Variants in LRP1B observed in about 807,000 individuals in gnomAD.
The protein encoded by LRP1B is LDL receptor related protein 1B.
In LRP1B, 217 loss-of-function variants were observed where a neutral mutation model predicts 556.6. That is an observed-to-expected ratio of 0.39 (90% CI 0.35 to 0.44). LRP1B has a LOEUF of 0.44. Among genes scored for constraint, LRP1B ranks in the 20% least tolerant of loss-of-function variants. The probability of loss-of-function intolerance (pLI) is 1.00; values close to 1 mark genes in which losing one functional copy is unlikely to be tolerated. For missense variants in LRP1B, 5,053 were observed against 5,620.8 expected, an observed-to-expected ratio of 0.90 and a Z score of 3.23; for synonymous variants, 2,047 against 1,865.8, an observed-to-expected ratio of 1.10 and a Z score of -2.50.
chr2:141,777,117 G>A (rs16847149), intron 2 of LRP1B, among the ~76,000 whole-genome samples: 5,710 of 152,176 alleles, frequency 0.038, 330 homozygotes, highest in African/African-American at 0.13. Flanking sequence ...AAAAGACTTT[G>A]GAGTAGCAGA....
intron 3 of LRP1B, among the ~76,000 whole-genome samples, chr2:141,391,839 T>C (rs568166637): frequency 2.0e-5 from 3 of 152,312 alleles, no homozygotes; most frequent in East Asian, 3.9e-4. Context: ...AAAAAACCTT[T>C]GTAAATTGTC....
chr2:141,475,547 C>G (rs1682667081), intron 3 of LRP1B, among the ~76,000 whole-genome samples: 1 of 152,018 alleles, frequency 6.6e-6, no homozygotes, highest in African/African-American at 2.4e-5. Context: ...CCTGGAAACC[C>G]ACGGCCCTAA....
At position 140,270,239 on chromosome 2, in the gene LRP1B, C is replaced by T. The variant is rs957912641; in HGVS notation, c.13247+3G>A. On this transcript the variant is annotated splice_donor_region_variant and intron_variant, in intron 86 of 90. Coordinates refer to ENST00000389484, the MANE Select transcript of LRP1B (RefSeq NM_018557.3). ...GATGCCCATGACTTGATTAAATACTCACAGACACACAGGTACATTTGTCTC... is the reference window on the plus strand; with the variant it reads ...GATGCCCATGACTTGATTAAATACTTACAGACACACAGGTACATTTGTCTC... 1 of 1,608,136 alleles carries T rather than the reference C, an allele frequency of 6.2e-7. No homozygotes were observed. The highest frequency in any genetic ancestry group is 8.5e-7 in the Non-Finnish European group (1 of 1,175,224).
At chr2:140,668,407 T>G (rs1262695593) in intron 41 of LRP1B, among the ~76,000 whole-genome samples, 2 of 151,482 alleles carry the variant, frequency 1.3e-5, no homozygotes, top group African/African-American at 4.9e-5. Flanking sequence ...TCATTTTTTT[T>G]GAAATGGTAT....
At chr2:141,357,059 ATTTAT>A (rs1043612093) in intron 3 of LRP1B, among the ~76,000 whole-genome samples, 1 of 150,782 alleles carries the variant, frequency 6.6e-6, no homozygotes, top group African/African-American at 2.4e-5. Context: ...ATTTTATTTT[ATTTAT>A]TTTATTTTTG....
intron 41 of LRP1B, among the ~76,000 whole-genome samples, chr2:140,650,223 G>T (rs369128915): frequency 2.0e-5 from 3 of 151,532 alleles, no homozygotes; most frequent in East Asian, 3.8e-4. Flanking sequence ...ATAAAAAAAA[G>T]GCAGAGGTTA....
intron 1 of LRP1B, among the ~76,000 whole-genome samples, chr2:141,856,011 T>G (rs1335817478): frequency 1.3e-5 from 2 of 152,180 alleles, no homozygotes; most frequent in Non-Finnish European, 2.9e-5. Context: ...TTGTCTTAAC[T>G]GAGTGTGCTA....
chr2:140,642,268 C>A (rs1564934), intron 41 of LRP1B, among the ~76,000 whole-genome samples: 85,768 of 151,988 alleles, frequency 0.56, 25,463 homozygotes, highest in Non-Finnish European at 0.67. Context: ...TAGCCTGTGC[C>A]GAGGAGCTAC....
intron 1 of LRP1B, among the ~76,000 whole-genome samples, chr2:141,945,539 GTA>G (rs10548880): frequency 0.29 from 42,285 of 148,196 alleles, 5,987 homozygotes; most frequent in Middle Eastern, 0.39. Flanking sequence ...ATGTATATAT[GTA>G]TATATATATA....
chr2:142,019,245 C>T (rs987397918), intron 1 of LRP1B, among the ~76,000 whole-genome samples: 20 of 152,024 alleles, frequency 1.3e-4, no homozygotes, highest in African/African-American at 4.8e-4. Context: ...ATCAGTTAGT[C>T]TAAATTATTG....
intron 1 of LRP1B, among the ~76,000 whole-genome samples, chr2:141,890,346 A>ATG (rs1699248860): frequency 7.4e-6 from 1 of 134,688 alleles, no homozygotes; most frequent in African/African-American, 2.7e-5. Context: ...ATATATATAT[A>ATG]TATATGTATT....
At chr2:140,807,960 C>A (rs748126536) in intron 32 of LRP1B, among the ~76,000 whole-genome samples, 1 of 152,106 alleles carries the variant, frequency 6.6e-6, no homozygotes, top group East Asian at 1.9e-4. Flanking sequence ...GGTGTAATGG[C>A]GCATGCCTGT....
At chr2:141,940,164 A>G (rs1700754524) in intron 1 of LRP1B, among the ~76,000 whole-genome samples, 1 of 152,168 alleles carries the variant, frequency 6.6e-6, no homozygotes, top group African/African-American at 2.4e-5. Context: ...ACAAAAATCT[A>G]CATGAACAAA....
intron 31 of LRP1B, among the ~76,000 whole-genome samples, chr2:140,833,513 C>T (rs184513610): frequency 2.2e-4 from 33 of 152,278 alleles, no homozygotes; most frequent in Admixed American, 7.2e-4. Flanking sequence ...CTTAATATTA[C>T]AAGTGTTTTG....
At position 140,700,384 on chromosome 2, in the gene LRP1B, T is replaced by C. The variant is rs945435111; in HGVS notation, c.6665A>G (p.Lys2222Arg). The C allele has an allele frequency of 3.1e-6, 5 of 1,613,502 alleles. No individual in the cohort carries two copies. Among genetic ancestry groups the C allele is most frequent in the South Asian group, 2.2e-5 (2 of 91,056 alleles). Reference protein sequence around the residue: ...IRPYENPRYFKNVIALAFDYN... With the variant: ...IRPYENPRYFRNVIALAFDYN... Reference sequence around the variant, plus strand: ...GTCAAAAGCCAAGGCTATGACATTCTTGAAATAACGTGGATTCTCATATGG... The same window carrying C: ...GTCAAAAGCCAAGGCTATGACATTCCTGAAATAACGTGGATTCTCATATGG... Residue 2222 changes from lysine to arginine, a missense_variant, in exon 41 of 91, where the codon AAG becomes AGG. Coordinates refer to ENST00000389484, the MANE Select transcript of LRP1B (RefSeq NM_018557.3).
intron 77 of LRP1B, among the ~76,000 whole-genome samples, chr2:140,350,088 G>A (rs1681888015): frequency 6.6e-6 from 1 of 151,938 alleles, no homozygotes; most frequent in Non-Finnish European, 1.5e-5. Flanking sequence ...TACAGGAATG[G>A]GCCAGGCCCT....
intron 1 of LRP1B, among the ~76,000 whole-genome samples, chr2:141,828,727 C>T (rs920756348): frequency 3.3e-5 from 5 of 152,208 alleles, no homozygotes; most frequent in African/African-American, 9.6e-5. Flanking sequence ...TGGTCTAATA[C>T]AAAAACTCTG....
intron 7 of LRP1B, among the ~76,000 whole-genome samples, chr2:141,084,349 T>G (rs139491024): frequency 6.6e-6 from 1 of 152,136 alleles, no homozygotes; most frequent in Non-Finnish European, 1.5e-5. Flanking sequence ...TTATGAGGAG[T>G]CTAGATATGC....
At chr2:141,207,934 C>T (rs1682355915) in intron 6 of LRP1B, 1 of 152,280 alleles carries the variant, frequency 6.6e-6, no homozygotes, top group Non-Finnish European at 1.5e-5. Flanking sequence ...CCTCAGTCTC[C>T]CAAAGTGCTA....
Sources: gnomAD v4.1 joint callset for allele counts (sites outside exome capture counted in the v4.1 genomes callset) on GRCh38, gnomAD v4.1.1 for gene constraint, MANE v1.5 for transcripts, NCBI Gene and HGNC (gene_info 2026-07-23, HGNC 2026-07-21) for gene names.